Variants in GNB5 observed in about 807,000 individuals in gnomAD.
GNB5 encodes the protein G protein subunit beta 5.
Under a neutral mutation model 55.3 loss-of-function variants are expected in GNB5, and 37 were observed. The ratio of observed to expected loss-of-function variants is 0.67; its 90% CI spans 0.51 to 0.88. The LOEUF (loss-of-function observed/expected upper bound fraction) is 0.88, where lower values mean the gene tolerates loss of function less well. Ranked by LOEUF, GNB5 falls within the 40% of genes least tolerant of loss-of-function variation. GNB5 has a pLI of 0.00. For missense variants in GNB5, 476 were observed against 515.3 expected (o/e 0.92, Z 0.74); for synonymous variants, 219 against 198.5 (o/e 1.10, Z -0.87).
chr15:52,128,312 A>T, intron 9 of GNB5, 68 bp from the exon 10 acceptor site: 1 of 961,404 alleles, frequency 1.0e-6, no homozygotes, highest in Middle Eastern at 2.1e-4. Flanking sequence ...GAACCATGCT[A>T]GGCCCTTGGA....
chr15:52,179,981 C>G, intron 2 of GNB5, 102 bp from the exon 3 acceptor site: 1 of 1,318,744 alleles, frequency 7.6e-7, no homozygotes, highest in African/African-American at 1.6e-5. Flanking sequence ...AGCACCGCCC[C>G]GCGGCCCCGC....
chr15:52,145,394 CTT>C (rs1240608784), intron 6 of GNB5, among the ~76,000 whole-genome samples: 1 of 151,842 alleles, frequency 6.6e-6, no homozygotes, highest in Admixed American at 6.6e-5. Context: ...AATCTCAACA[CTT>C]TGGGAGGCTG....
At chr15:52,189,679 C>G (rs891119708) in intron 1 of GNB5, among the ~76,000 whole-genome samples, 1 of 152,184 alleles carries the variant, frequency 6.6e-6, no homozygotes, top group Non-Finnish European at 1.5e-5. Flanking sequence ...AAGTGTCCAC[C>G]AACCGACAAA....
chr15:52,159,854 C>T lies in GNB5; in HGVS notation c.239-5778G>A, dbSNP rs144151189. Among the ~76,000 whole-genome samples, 10 of 152,118 alleles carry T rather than the reference C, an allele frequency of 6.6e-5. No individual in the cohort carries two copies. The East Asian group carries it at 1.2e-3, about 18-fold the overall frequency. On this transcript the variant is annotated intron_variant, in intron 3 of 12. Coordinates refer to ENST00000261837, the MANE Select transcript of GNB5 (RefSeq NM_016194.4). ...AGCCAGAGGGGAACAGGGTTGACTC[C>T]GCTGGCAGGCGTGGTCATTAGAGGT...
At chr15:52,182,704 G>A (rs1414380599) in intron 2 of GNB5, among the ~76,000 whole-genome samples, 2 of 152,202 alleles carry the variant, frequency 1.3e-5, no homozygotes, top group African/African-American at 4.8e-5. Context: ...TTGGATGAAA[G>A]GCCAGCTGTC....
intron 1 of GNB5, among the ~76,000 whole-genome samples, chr15:52,185,338 C>G (rs1455128270): frequency 6.6e-6 from 1 of 152,260 alleles, no homozygotes; most frequent in African/African-American, 2.4e-5. Flanking sequence ...GTTAGCTGAC[C>G]TCTCTGAAGC....
Position 52,115,521 on chromosome 15 carries a change from A to G in GNB5, c.*7236T>C, listed in dbSNP as rs1276441666. On this transcript the variant is annotated 3_prime_UTR_variant, in exon 13 of 13. Transcript: ENST00000261837. ...ACCTGGCACACAGTAAAAGGTTGTC[A>G]CTCCACAGAAACTTTTATTTGTAAA... 6.6e-6 allele frequency: 1 copy of G among 152,162 alleles called. No individual in the cohort carries two copies. Among genetic ancestry groups the G allele is most frequent in the East Asian group, 1.9e-4 (1 of 5,190 alleles). The allele number at this position is 152,162 out of a possible 1,614,324, so 9.4% of individuals were successfully genotyped here.
intron 8 of GNB5, among the ~76,000 whole-genome samples, chr15:52,134,358 G>A (rs1355253534): frequency 1.3e-5 from 2 of 152,168 alleles, no homozygotes; most frequent in African/African-American, 4.8e-5. Flanking sequence ...AGCAGAGGGA[G>A]GTGTGTAATG....
chr15:52,168,322 GT>G (rs1305148213), intron 3 of GNB5, among the ~76,000 whole-genome samples: 2 of 151,960 alleles, frequency 1.3e-5, no homozygotes, highest in African/African-American at 4.8e-5. Flanking sequence ...CAAAATCAAT[GT>G]GCAAAAATCA....
Position 52,184,964 on chromosome 15 carries a change from T to C in GNB5, c.-18-270A>G, listed in dbSNP as rs75024052. ...GCTGGCAGACCTGCGTCAGGCAGGA[T>C]TGATCCTTGCAGCACAATATCAATT... On this transcript the variant is annotated intron_variant, in intron 1 of 12. Coordinates refer to ENST00000261837, the MANE Select transcript of GNB5 (RefSeq NM_016194.4). Among the ~76,000 whole-genome samples the C allele has an allele frequency of 0.019, 2,911 of 152,370 alleles. 93 individuals carry two copies. Among genetic ancestry groups the C allele is most frequent in the African/African-American group, 0.067 (2,780 of 41,584 alleles).
chr15:52,159,370 C>T (rs1471610060), intron 3 of GNB5, among the ~76,000 whole-genome samples: 2 of 152,142 alleles, frequency 1.3e-5, no homozygotes, highest in Non-Finnish European at 2.9e-5. Flanking sequence ...TGGCAGCCCC[C>T]TCTCCAGCGG....
At chr15:52,160,879 G>C (rs2034317786) in intron 3 of GNB5, among the ~76,000 whole-genome samples, 1 of 152,152 alleles carries the variant, frequency 6.6e-6, no homozygotes, top group African/African-American at 2.4e-5. Context: ...CCTACTGGTG[G>C]ACACTTACTT....
intron 3 of GNB5, among the ~76,000 whole-genome samples, chr15:52,173,330 C>T (rs1186029878): frequency 1.3e-5 from 2 of 152,216 alleles, no homozygotes; most frequent in South Asian, 2.1e-4. Flanking sequence ...CTGCCTCTGC[C>T]TCCCAAAGTG....
chr15:52,163,691 T>A (rs1373835840), intron 3 of GNB5, among the ~76,000 whole-genome samples: 1 of 150,644 alleles, frequency 6.6e-6, no homozygotes, highest in Non-Finnish European at 1.5e-5. Flanking sequence ...ATGAGGGAGG[T>A]TTCCCCCAGC....
At chr15:52,156,196 A>T (rs1305422038) in intron 3 of GNB5, among the ~76,000 whole-genome samples, 1 of 152,166 alleles carries the variant, frequency 6.6e-6, no homozygotes, top group Non-Finnish European at 1.5e-5. Flanking sequence ...TTTGATCTTC[A>T]AATTGTCCCA....
At chr15:52,176,064 AAAAC>A (rs998253200) in intron 3 of GNB5, among the ~76,000 whole-genome samples, 8 of 145,986 alleles carry the variant, frequency 5.5e-5, no homozygotes, top group African/African-American at 2.1e-4. Context: ...AAAACAAAAC[AAAAC>A]AAACAAACAA....
chr15:52,154,542 G>A (rs1298949661), intron 3 of GNB5, among the ~76,000 whole-genome samples: 2 of 152,118 alleles, frequency 1.3e-5, no homozygotes, highest in African/African-American at 4.8e-5. Context: ...AACCAGGCTG[G>A]GGCTTCTAGT....
In GNB5 at chr15:52,154,049, G is replaced by A. The variant is rs775864699; in HGVS notation, c.266C>T (p.Ala89Val). 1 of 1,613,916 alleles carries A rather than the reference G, an allele frequency of 6.2e-7. No homozygotes were observed. The highest frequency in any genetic ancestry group is 1.3e-5 in the African/African-American group (1 of 74,932). Residue 89 changes from alanine (A) to valine (V), a missense_variant, in exon 4 of 13, where the codon GCC (alanine) becomes GTC (valine). Ala to Val is a moderately conservative substitution (Grantham distance 64). Transcript: ENST00000261837. ...ELHQVAERVE[A>V]LGQFVMKTRR... ...GGTCTTCATGACAAACTGCCCCAGG[G>A]CCTCCACCCGCTCCGCCACCTGGTG... is the stretch of plus-strand genomic sequence containing the variant.
At position 52,117,048 on chromosome 15, in the gene GNB5, C is replaced by T. The variant is rs1032504660; in HGVS notation, c.*5709G>A. 2.1e-5 allele frequency: 3 copies of T among 145,448 alleles called. No individual in the cohort carries two copies. Among genetic ancestry groups the T allele is most frequent in the African/African-American group, 7.6e-5 (3 of 39,304 alleles). The allele number at this position is 145,448 out of a possible 1,614,324, so 9.0% of individuals were successfully genotyped here. On this transcript the variant is annotated 3_prime_UTR_variant, in exon 13 of 13. Transcript: ENST00000261837. Reference sequence around the variant, plus strand: ...ATGCCATTCTCCTGCCCCAGCCTCCCGAGCAGCTGGGACTACAGGCACCTG... The same window carrying T: ...ATGCCATTCTCCTGCCCCAGCCTCCTGAGCAGCTGGGACTACAGGCACCTG...
Sources: gnomAD v4.1 joint callset for allele counts (sites outside exome capture counted in the v4.1 genomes callset) on GRCh38, gnomAD v4.1.1 for gene constraint, MANE v1.5 for transcripts, NCBI Gene and HGNC (gene_info 2026-07-23, HGNC 2026-07-21) for gene names.